The following ROBO4 variants were observed in gnomAD, a reference collection of about 807,000 sequenced individuals.
ROBO4 encodes roundabout guidance receptor 4.
In ROBO4, 80 loss-of-function variants were observed where a neutral mutation model predicts 103.3. The observed-to-expected ratio is 0.77, with a 90% CI of 0.65 to 0.93. The LOEUF (loss-of-function observed/expected upper bound fraction) is 0.93, where lower values mean the gene tolerates loss of function less well. ROBO4 is among the 40% of genes least tolerant of loss of function. The pLI, the probability that ROBO4 is intolerant of heterozygous loss-of-function variation, is 0.00. For missense variants in ROBO4, 1,333 were observed against 1,305.3 expected, an observed-to-expected ratio of 1.02 and a Z score of -0.33; for synonymous variants, 504 against 529.7, an observed-to-expected ratio of 0.95 and a Z score of 0.67.
chr11:124,887,217 A>C lies in ROBO4; in HGVS notation c.2199-4T>G. 1 of 1,588,448 alleles carries C rather than the reference A, an allele frequency of 6.3e-7. No individual in the cohort carries two copies. Among genetic ancestry groups the C allele is most frequent in the Non-Finnish European group, 8.6e-7 (1 of 1,166,096 alleles). ...AGCCTGTGGTGCCACCGGAGGCCTG[A>C]TTTGCGGGAGAGAGTGATGGCACCG... On this transcript the variant is annotated splice_polypyrimidine_tract_variant and splice_region_variant and intron_variant, in intron 14 of 17. Transcript: ENST00000306534.
At chr11:124,889,914 T>A (rs555065459) in intron 12 of ROBO4, among the ~76,000 whole-genome samples, 1 of 152,222 alleles carries the variant, frequency 6.6e-6, no homozygotes, top group Admixed American at 6.5e-5. Context: ...AGTTGACCTA[T>A]CCTGGGGGCA....
At chr11:124,896,491 T>C in intron 3 of ROBO4, 22 bp downstream of exon 3, 1 of 1,611,116 alleles carries the variant, frequency 6.2e-7, no homozygotes, top group Non-Finnish European at 8.5e-7. Flanking sequence ...GGATGAAGTG[T>C]GGGGGAGGGG....
intron 13 of ROBO4, 80 bp from the exon 14 acceptor site, chr11:124,887,579 C>T: frequency 6.3e-7 from 1 of 1,583,540 alleles, no homozygotes; most frequent in Non-Finnish European, 8.6e-7. Flanking sequence ...TGCCCACCAG[C>T]CCCCTTAGCT....
At chr11:124,890,483 G>A (rs1946782268) in intron 12 of ROBO4, among the ~76,000 whole-genome samples, 1 of 152,178 alleles carries the variant, frequency 6.6e-6, no homozygotes, top group Non-Finnish European at 1.5e-5. Context: ...GAGCTCCAGA[G>A]AGACTCAGAA....
At chr11:124,894,395 C>T (rs767360634) in intron 7 of ROBO4, 26 bp from the exon 8 acceptor site, 1 of 1,596,512 alleles carries the variant, frequency 6.3e-7, no homozygotes, top group Non-Finnish European at 8.5e-7. Flanking sequence ...AGGTGAACAG[C>T]TTCCCCAGGC....
At chr11:124,894,144 A>G in intron 8 of ROBO4, 57 bp downstream of exon 8, 1 of 1,562,890 alleles carries the variant, frequency 6.4e-7, no homozygotes, top group Non-Finnish European at 8.7e-7. Context: ...GAGCAGGGAG[A>G]GAGGAAGGCG....
At position 124,895,887 on chromosome 11, in the gene ROBO4, C is replaced by T. The variant is rs1476119226; in HGVS notation, c.705G>A (p.Val235=). ...GCTGAATTCGCACAGCCAGAAGCTCCACAGGCTCCGTGTAGTCCTGGGGCT... is the reference window on the plus strand; with the variant it reads ...GCTGAATTCGCACAGCCAGAAGCTCTACAGGCTCCGTGTAGTCCTGGGGCT... The part of the protein sequence containing the change: ...IQEPQDYTEP[V]ELLAVRIQLE... The change falls in exon 5 of 18, where the codon GTG becomes GTA. Residue 235 remains valine (V), a synonymous_variant. Coordinates refer to ENST00000306534, the MANE Select transcript of ROBO4 (RefSeq NM_019055.6). The T allele has an allele frequency of 1.2e-6, 2 of 1,613,924 alleles. No individual in the cohort carries two copies. The highest frequency in any genetic ancestry group is 1.1e-5 in the South Asian group (1 of 91,064).
chr11:124,888,193 A>G (rs191078245), intron 12 of ROBO4, among the ~76,000 whole-genome samples: 81 of 152,376 alleles, frequency 5.3e-4, no homozygotes, highest in Admixed American at 2.0e-3. Flanking sequence ...TAGATGCTTT[A>G]AAAAACAACT....
rs1394104692 is a variant in ROBO4 at position 124,896,287 on chromosome 11, G to T, written c.590C>A (p.Ala197Glu). The T allele has an allele frequency of 1.2e-6, 2 of 1,613,992 alleles. No individual in the cohort carries two copies. The highest frequency in any genetic ancestry group is 4.5e-5 in the East Asian group (2 of 44,884). ...GTAGGTCCCTTCGTCACTCTTCTCT[G>T]CTCTTGCCATCAGCAGGGACCCCCC... ...VSGGSLLMAR[A>E]EKSDEGTYMC... The change falls in exon 4 of 18, where the codon GCA (alanine) becomes GAA (glutamate). Residue 197 changes from alanine (A) to glutamate (E), a missense_variant. Physicochemically the swap from Ala to Glu is moderately radical, Grantham distance 107 (BLOSUM62 -1). Transcript: ENST00000306534.
rs905528703 is a variant in ROBO4 at position 124,887,156 on chromosome 11, G to T, written c.2256C>A (p.Pro752=). The change falls in exon 15 of 18, where the codon CCC becomes CCA. Residue 752 remains proline, a synonymous_variant. Transcript: ENST00000306534. ...SSILLPAAPI[P]ILSPCSPPSP... is the part of the protein sequence containing the mutation. ...TAGGGGGACTGCAGGGGCTAAGGATGGGGATGGGGGCTGCTGGCAGCAGGA... is the reference window on the plus strand; with the variant it reads ...TAGGGGGACTGCAGGGGCTAAGGATTGGGATGGGGGCTGCTGGCAGCAGGA... The T allele has an allele frequency of 5.6e-6, 9 of 1,609,150 alleles. No individual in the cohort carries two copies. The highest frequency in any genetic ancestry group is 1.3e-5 in the African/African-American group (1 of 74,780).
chr11:124,895,438 G>C lies in ROBO4; in HGVS notation c.1036+19C>G, dbSNP rs757788394. The C allele has an allele frequency of 4.2e-5, 68 of 1,603,334 alleles. No individual in the cohort carries two copies. The South Asian group carries it at 7.5e-4, about 18-fold the overall frequency. On this transcript the variant is annotated intron_variant, in intron 6 of 17. Coordinates refer to ENST00000306534, the MANE Select transcript of ROBO4 (RefSeq NM_019055.6). Reference sequence around the variant, plus strand: ...GCCAGAGGGGATATTGTTGGCTTCTGAAGGGATCAGGCCCTGACCTTTTTC... The same window carrying C: ...GCCAGAGGGGATATTGTTGGCTTCTCAAGGGATCAGGCCCTGACCTTTTTC...
rs370396097 is a variant in ROBO4, at chr11:124,896,313, G to C, written c.564C>G (p.Ser188=). 6.2e-7 allele frequency: 1 copy of C among 1,613,958 alleles called. No individual in the cohort carries two copies. Residue 188 remains serine, a synonymous_variant, in exon 4 of 18, where the codon TCC becomes TCG. Transcript: ENST00000306534. ...CTCTTGCCATCAGCAGGGACCCCCC[G>C]GACACCTGTCAGGGCCAGGTTCACT... The part of the protein sequence containing the change: ...LALQPGRHTV[S]GGSLLMARAE...
intron 4 of ROBO4, 114 bp downstream of exon 4, chr11:124,896,084 C>A (rs1329225163): frequency 2.0e-6 from 3 of 1,527,500 alleles, no homozygotes; most frequent in East Asian, 2.3e-5. Flanking sequence ...CTACGTGAGA[C>A]CCCCAGCACT....
chr11:124,896,757 C>A, intron 2 of ROBO4, 87 bp from the exon 3 acceptor site: 1 of 1,523,546 alleles, frequency 6.6e-7, no homozygotes. Context: ...GCTTTGCCCA[C>A]CTTCCTGGCC....
chr11:124,889,013 G>C (rs955108462), intron 12 of ROBO4, among the ~76,000 whole-genome samples: 1 of 152,170 alleles, frequency 6.6e-6, no homozygotes, highest in Non-Finnish European at 1.5e-5. Flanking sequence ...ACATATCAGA[G>C]ATCTGGGGGC....
At chr11:124,889,630 C>G (rs75210222) in intron 12 of ROBO4, among the ~76,000 whole-genome samples, 6,383 of 152,162 alleles carry the variant, frequency 0.042, 153 homozygotes, top group Middle Eastern at 0.11. Context: ...GAACTAAGAA[C>G]CTGCTATGAT....
Position 124,895,479 on chromosome 11 carries a change from C to T in ROBO4, c.1014G>A (p.Leu338=). 6.2e-7 allele frequency: 1 copy of T among 1,610,386 alleles called. No homozygotes were observed. Among genetic ancestry groups the T allele is most frequent in the Non-Finnish European group, 8.5e-7 (1 of 1,179,974 alleles). ...GRARGPDSNV[L]LLRLPEKVPS... ...GACCTTTTTCCGGCAGCCTCAGGAG[C>T]AGCACGTTGCTGTCAGGGCCTCGAG... The change falls in exon 6 of 18, where the codon CTG becomes CTA. Residue 338 remains leucine (L), a synonymous_variant. Coordinates refer to ENST00000306534, the MANE Select transcript of ROBO4 (RefSeq NM_019055.6).
intron 13 of ROBO4, 110 bp from the exon 14 acceptor site, chr11:124,887,609 C>T: frequency 1.3e-6 from 2 of 1,544,866 alleles, no homozygotes; most frequent in East Asian, 2.3e-5. Context: ...CTACTCCATC[C>T]AACCCTCATC....
At position 124,895,570 on chromosome 11, in the gene ROBO4, G is replaced by T. The variant is rs773257268; in HGVS notation, c.923C>A (p.Ala308Glu). ...AEELLAGWQS[A>E]ELGGLHWGQD... ...GCCCCAGTGGAGGCCTCCAAGCTCT[G>T]CGCTCTGCCAGCCGGCCAGCAGCTC... Residue 308 changes from alanine to glutamate, a missense_variant, in exon 6 of 18, where the codon GCA (alanine) becomes GAA (glutamate). Transcript: ENST00000306534. The T allele has an allele frequency of 1.2e-6, 2 of 1,613,164 alleles. No individual in the cohort carries two copies. The highest frequency in any genetic ancestry group is 1.7e-5 in the Admixed American group (1 of 60,022).
Sources: gnomAD v4.1 joint callset for allele counts (sites outside exome capture counted in the v4.1 genomes callset) on GRCh38, gnomAD v4.1.1 for gene constraint, MANE v1.5 for transcripts, NCBI Gene and HGNC (gene_info 2026-07-23, HGNC 2026-07-21) for gene names.